EIF2AK2: variants seen among roughly 807,000 people sequenced by gnomAD.
EIF2AK2 encodes the protein eukaryotic translation initiation factor 2 alpha kinase 2.
A neutral mutation model predicts 70.5 loss-of-function variants in EIF2AK2; 40 were observed. The observed-to-expected ratio is 0.57, with a 90% CI of 0.44 to 0.74. The LOEUF (loss-of-function observed/expected upper bound fraction) is 0.74. EIF2AK2 is among the 30% of genes least tolerant of loss of function. The pLI, the probability that EIF2AK2 is intolerant of heterozygous loss-of-function variation, is 0.00. For synonymous variants in EIF2AK2, 198 were observed against 220.9 expected (o/e 0.90, Z 0.92); for missense variants, 555 against 644.3 (o/e 0.86, Z 1.50).
At chr2:37,147,885 A>C in intron 2 of EIF2AK2, 63 bp from the exon 3 acceptor site, 1 of 1,211,850 alleles carries the variant, frequency 8.3e-7, no homozygotes, top group Non-Finnish European at 1.2e-6. Context: ...TGAGTTTCCC[A>C]ATGCAGTTTA....
rs377091213 is a variant in EIF2AK2, at chr2:37,107,329, T to G, written c.1600A>C (p.Arg534=). ...EDRPNTSEIL[R]TLTVWKKSPE... ...CTTTTCTTCCACACAGTCAAGGTCC[T>G]TAGTATTTCAGATGTGTTAGGTCGA... The change falls in exon 17 of 17, where the codon AGG becomes CGG. Residue 534 remains arginine, a synonymous_variant. Transcript: ENST00000233057. 1.2e-6 allele frequency: 2 copies of G among 1,613,944 alleles called. No homozygotes were observed. The highest frequency in any genetic ancestry group is 1.7e-6 in the Non-Finnish European group (2 of 1,179,992).
At chr2:37,135,357 A>G in intron 10 of EIF2AK2, 127 bp downstream of exon 10, 1 of 750,574 alleles carries the variant, frequency 1.3e-6, no homozygotes, top group Non-Finnish European at 2.2e-6. Flanking sequence ...TATTGTTCTT[A>G]CCCTGCGTAG....
At chr2:37,130,396 C>G (rs1315356309) in intron 10 of EIF2AK2, among the ~76,000 whole-genome samples, 1 of 152,192 alleles carries the variant, frequency 6.6e-6, no homozygotes, top group Non-Finnish European at 1.5e-5. Context: ...AGGCACCGAC[C>G]TGGCCTGGCT....
At chr2:37,115,871 A>AT (rs537087626) in intron 13 of EIF2AK2, among the ~76,000 whole-genome samples, 5,680 of 146,898 alleles carry the variant, frequency 0.039, 137 homozygotes, top group African/African-American at 0.078. Flanking sequence ...CTTTAAGCAG[A>AT]TTTTTTTTTT....
chr2:37,129,235 A>C (rs772669023), intron 10 of EIF2AK2, among the ~76,000 whole-genome samples: 6 of 152,224 alleles, frequency 3.9e-5, no homozygotes, highest in Non-Finnish European at 7.4e-5. Flanking sequence ...AGTCAGTTAT[A>C]CGAAAGCCTC....
At chr2:37,113,645 AG>A (rs1013671490) in intron 14 of EIF2AK2, among the ~76,000 whole-genome samples, 1 of 152,210 alleles carries the variant, frequency 6.6e-6, no homozygotes, top group Non-Finnish European at 1.5e-5. Flanking sequence ...CAGATACACA[AG>A]AAAATGAGAA....
chr2:37,114,695 G>A (rs756392127), intron 14 of EIF2AK2, 36 bp downstream of exon 14: 3 of 1,469,780 alleles, frequency 2.0e-6, no homozygotes, highest in Admixed American at 2.5e-5. Context: ...CAAAATAAAA[G>A]AAGTAAAATA....
At chr2:37,120,934 C>T (rs1674521832) in intron 12 of EIF2AK2, among the ~76,000 whole-genome samples, 1 of 141,008 alleles carries the variant, frequency 7.1e-6, no homozygotes, top group African/African-American at 2.6e-5. Flanking sequence ...ATTGTGCTCC[C>T]GCATGAGCGA....
rs760849886 is a variant in EIF2AK2, at chr2:37,147,838, C to A, written c.-16-16G>T. 1 of 1,499,932 alleles carries A rather than the reference C, an allele frequency of 6.7e-7. No homozygotes were observed. The highest frequency in any genetic ancestry group is 1.4e-5 in the African/African-American group (1 of 72,534). 92.9% of individuals were successfully genotyped at this position (1,499,932 alleles called of 1,614,324 possible). ...TTCCCGTATCCTACAATGGAAGAGACATTTGAATGAGTGATGCTCACAGAA... is the reference window on the plus strand; with the variant it reads ...TTCCCGTATCCTACAATGGAAGAGAAATTTGAATGAGTGATGCTCACAGAA... On this transcript the variant is annotated splice_polypyrimidine_tract_variant and intron_variant, in intron 2 of 16. Coordinates refer to ENST00000233057, the MANE Select transcript of EIF2AK2 (RefSeq NM_001135651.3).
At chr2:37,116,851 G>A (rs1244238366) in intron 13 of EIF2AK2, among the ~76,000 whole-genome samples, 3 of 152,186 alleles carry the variant, frequency 2.0e-5, no homozygotes, top group Admixed American at 6.6e-5. Context: ...TTGTGAAGCC[G>A]TGTAAATATC....
rs1271580606 is a variant in EIF2AK2 at position 37,105,836 on chromosome 2, C to A, written c.*1437G>T. The A allele has an allele frequency of 6.6e-6, 1 of 152,222 alleles. No individual in the cohort carries two copies. Among genetic ancestry groups the A allele is most frequent in the African/African-American group, 2.4e-5 (1 of 41,446 alleles). 9.4% of individuals were successfully genotyped at this position (152,222 alleles called of 1,614,324 possible). On this transcript the variant is annotated 3_prime_UTR_variant, in exon 17 of 17. Coordinates refer to ENST00000233057, the MANE Select transcript of EIF2AK2 (RefSeq NM_001135651.3). The stretch of plus-strand genomic sequence containing the variant: ...TGGTCTCCTCTCTACTCATCTAACA[C>A]CCTGGCATATAGTTGGAAGGCCCAC...
At position 37,129,880 on chromosome 2, in the gene EIF2AK2, T is replaced by C. The variant is rs113962143; in HGVS notation, c.786-3469A>G. On this transcript the variant is annotated intron_variant, in intron 10 of 16. Coordinates refer to ENST00000233057, the MANE Select transcript of EIF2AK2 (RefSeq NM_001135651.3). The stretch of plus-strand genomic sequence containing the variant: ...TATTATCATCTCAAGAACAGAACCC[T>C]TCCTCAGACATTCCATATCAAACAG... Among the ~76,000 whole-genome samples, 405 of 152,244 alleles carry C rather than the reference T, an allele frequency of 2.7e-3. 2 individuals carry two copies. The highest frequency in any genetic ancestry group is 8.3e-3 in the African/African-American group (343 of 41,544).
chr2:37,144,324 T>A (rs965130867), intron 4 of EIF2AK2, among the ~76,000 whole-genome samples: 1 of 149,350 alleles, frequency 6.7e-6, no homozygotes, highest in Non-Finnish European at 1.5e-5. Flanking sequence ...ATATTTACTA[T>A]ACTTTTTTTA....
intron 4 of EIF2AK2, among the ~76,000 whole-genome samples, chr2:37,142,065 C>A (rs1005586930): frequency 1.3e-5 from 2 of 152,110 alleles, no homozygotes; most frequent in African/African-American, 4.8e-5. Context: ...ATAATAGCAT[C>A]ATTTCTACTA....
intron 4 of EIF2AK2, among the ~76,000 whole-genome samples, chr2:37,143,143 G>T (rs982015099): frequency 1.3e-5 from 2 of 150,368 alleles, no homozygotes; most frequent in African/African-American, 4.9e-5. Context: ...GCAGAGAATT[G>T]CTTGAACATG....
intron 2 of EIF2AK2, 52 bp downstream of exon 2, chr2:37,148,805 G>A: frequency 2.1e-5 from 17 of 828,144 alleles, no homozygotes; most frequent in South Asian, 2.0e-4. Context: ...GCATGTAATT[G>A]ACTTAGATGA....
rs1292938672 is a variant in EIF2AK2 at position 37,114,111 on chromosome 2, T to C, written c.1377+620A>G. On this transcript the variant is annotated intron_variant, in intron 14 of 16. Coordinates refer to ENST00000233057, the MANE Select transcript of EIF2AK2 (RefSeq NM_001135651.3). ...ACATAGTGAGACCTTGTCTCTACAATAAATAAGTAAATAAATAATTAATAA... is the reference window on the plus strand; with the variant it reads ...ACATAGTGAGACCTTGTCTCTACAACAAATAAGTAAATAAATAATTAATAA... 4.6e-5 allele frequency among the ~76,000 whole-genome samples: 7 copies of C among 152,112 alleles called. 1 individual carries two copies. Among genetic ancestry groups the C allele is most frequent in the Admixed American group, 4.6e-4 (7 of 15,260 alleles).
At position 37,145,407 on chromosome 2, in the gene EIF2AK2, T is replaced by C. The variant is rs540208198; in HGVS notation, c.240+1446A>G. On this transcript the variant is annotated intron_variant, in intron 4 of 16. Transcript: ENST00000233057. ...ATCTGCCTGCCTTGGCCTCCCAAAG[T>C]GCCAGGATTACAGGCATGAGCCACC... 3.3e-5 allele frequency among the ~76,000 whole-genome samples: 5 copies of C among 152,324 alleles called. No individual in the cohort carries two copies. The East Asian group carries it at 9.6e-4, about 29-fold the overall frequency.
intron 15 of EIF2AK2, 105 bp downstream of exon 15, chr2:37,109,089 G>C: frequency 1.1e-6 from 1 of 918,980 alleles, no homozygotes; most frequent in Non-Finnish European, 1.7e-6. Flanking sequence ...ATACTAATAT[G>C]CTCAAGCCCA....
Sources: gnomAD v4.1 joint callset for allele counts (sites outside exome capture counted in the v4.1 genomes callset) on GRCh38, gnomAD v4.1.1 for gene constraint, MANE v1.5 for transcripts, NCBI Gene and HGNC (gene_info 2026-07-23, HGNC 2026-07-21) for gene names.